The following LRP5 variants were observed in gnomAD, a reference collection of about 807,000 sequenced individuals.
The protein encoded by LRP5 is LDL receptor related protein 5, also known as low-density lipoprotein receptor-related protein 5.
Under a neutral mutation model 154.1 loss-of-function variants are expected in LRP5, and 62 were observed. The ratio of observed to expected loss-of-function variants is 0.40; its 90% CI spans 0.33 to 0.50. LRP5 has a LOEUF of 0.50. Ranked by LOEUF, LRP5 falls within the 20% of genes least tolerant of loss-of-function variation. The pLI is 0.55. For missense variants in LRP5, 1,915 were observed against 2,336.7 expected (o/e 0.82, Z 3.72); for synonymous variants, 966 against 1,011.5 (o/e 0.96, Z 0.85).
chr11:68,442,409 C>T lies in LRP5; in HGVS notation c.4488+2493C>T, dbSNP rs1356176097. Among the ~76,000 whole-genome samples the T allele has an allele frequency of 2.6e-5, 4 of 152,220 alleles. No individual in the cohort carries two copies. In the East Asian group the frequency reaches 7.7e-4, roughly 29 times the overall value. On this transcript the variant is annotated intron_variant, in intron 21 of 22. Transcript: ENST00000294304. ...CCTGCCTCAGTCCCCTCAAGTAGCT[C>T]AGATGGCAGGTGTGCACCATCATGC... is the stretch of plus-strand genomic sequence containing the variant.
chr11:68,378,907 C>T (rs1356253995), intron 5 of LRP5, among the ~76,000 whole-genome samples: 3 of 151,974 alleles, frequency 2.0e-5, no homozygotes, highest in South Asian at 2.1e-4. Context: ...ATTAGCCAGG[C>T]GTGGTGGTGG....
At position 68,442,457 on chromosome 11, in the gene LRP5, G is replaced by A. The variant is rs117423046; in HGVS notation, c.4488+2541G>A. 6.6e-5 allele frequency among the ~76,000 whole-genome samples: 10 copies of A among 152,118 alleles called. No individual in the cohort carries two copies. In the East Asian group the frequency reaches 1.9e-3, roughly 29 times the overall value. On this transcript the variant is annotated intron_variant, in intron 21 of 22. Coordinates refer to ENST00000294304, the MANE Select transcript of LRP5 (RefSeq NM_002335.4). ...TGCCAGGCTAATTTTTAAATTTTTT[G>A]TGGAGGTGAGGCCTCACTAAATTTC... is the stretch of plus-strand genomic sequence containing the variant.
rs532035027 is a variant in LRP5 at position 68,409,945 on chromosome 11, C to T, written c.2123C>T (p.Ser708Leu). 95 of 1,613,954 alleles carry T rather than the reference C, an allele frequency of 5.9e-5. No individual in the cohort carries two copies. The highest frequency in any genetic ancestry group is 1.3e-4 in the East Asian group (6 of 44,876). ...TISRAFMNGSSVEHVVEFGLD... is the reference protein window; with the variant it reads ...TISRAFMNGSLVEHVVEFGLD... ...AGCCGCGCCTTCATGAACGGGAGCT[C>T]GGTGGAGCACGTGGTGGAGTTTGGC... The change falls in exon 10 of 23, where the codon TCG (serine) becomes TTG (leucine). Residue 708 changes from serine to leucine, a missense_variant. Around this residue, in one of 3 missense-constraint regions of LRP5, gnomAD observed 773 missense variants for 1,100.9 expected, o/e 0.70. Transcript: ENST00000294304.
chr11:68,329,519 C>T (rs1274437635), intron 1 of LRP5, among the ~76,000 whole-genome samples: 1 of 152,210 alleles, frequency 6.6e-6, no homozygotes, highest in African/African-American at 2.4e-5. Context: ...AAGAAATCGG[C>T]GAACAGCCTC....
chr11:68,368,167 G>A (rs1037096014), intron 5 of LRP5, among the ~76,000 whole-genome samples: 6 of 152,110 alleles, frequency 3.9e-5, no homozygotes, highest in African/African-American at 1.4e-4. Context: ...TATCTGAGAA[G>A]AAAGCAGTTA....
intron 1 of LRP5, among the ~76,000 whole-genome samples, chr11:68,319,501 C>A (rs7128552): frequency 1.3e-5 from 2 of 151,932 alleles, no homozygotes; most frequent in Non-Finnish European, 2.9e-5. Context: ...AGGCATGAGC[C>A]GCTGTGCCCA....
At chr11:68,415,146 G>C (rs2098661811) in intron 12 of LRP5, among the ~76,000 whole-genome samples, 1 of 152,222 alleles carries the variant, frequency 6.6e-6, no homozygotes, top group South Asian at 2.1e-4. Context: ...TGTTGAGAGG[G>C]AGAGGCCAAC....
In LRP5 at chr11:68,438,622, A is replaced by G; in HGVS notation, c.4288A>G (p.Thr1430Ala). The G allele has an allele frequency of 6.2e-7, 1 of 1,613,562 alleles. No individual in the cohort carries two copies. The highest frequency in any genetic ancestry group is 2.2e-5 in the East Asian group (1 of 44,872). Residue 1430 changes from threonine (T) to alanine (A), a missense_variant, in exon 20 of 23, where the codon ACC becomes GCC. Physicochemically the swap from Thr to Ala is moderately conservative, Grantham distance 58. This residue lies in a region of LRP5 where 1,094 missense variants were observed against 1,210.1 expected (regional missense o/e 0.90). Coordinates refer to ENST00000294304, the MANE Select transcript of LRP5 (RefSeq NM_002335.4). ...GPFPHEYVSG[T>A]PHVPLNFIAP... ...CTTCCCGCACGAGTATGTCAGCGGG[A>G]CCCCGCACGTGCCCCTCAATTTCAT...
chr11:68,392,951 C>A (rs138116086), intron 7 of LRP5, among the ~76,000 whole-genome samples: 51 of 152,094 alleles, frequency 3.4e-4, no homozygotes, highest in African/African-American at 1.1e-3. Context: ...CCTAGCAAGA[C>A]CCCAGCTACC....
intron 7 of LRP5, among the ~76,000 whole-genome samples, chr11:68,392,485 C>T (rs1401912305): frequency 1.3e-5 from 2 of 152,020 alleles, no homozygotes; most frequent in African/African-American, 4.8e-5. Context: ...ATCTGTGTGA[C>T]AGAGCAAGAC....
intron 9 of LRP5, among the ~76,000 whole-genome samples, chr11:68,409,095 T>TATACAC (rs1311618305): frequency 4.3e-4 from 12 of 27,750 alleles, no homozygotes; most frequent in Non-Finnish European, 1.0e-3. Flanking sequence ...TATATATATA[T>TATACAC]ACACACACAT....
intron 4 of LRP5, among the ~76,000 whole-genome samples, chr11:68,364,356 ATATG>A (rs969480970): frequency 5.5e-5 from 7 of 127,500 alleles, no homozygotes; most frequent in African/African-American, 1.4e-4. Context: ...ATATACATAT[ATATG>A]TGTGTGTGTG....
At chr11:68,342,282 G>A (rs549545760) in intron 1 of LRP5, among the ~76,000 whole-genome samples, 3 of 152,030 alleles carry the variant, frequency 2.0e-5, no homozygotes, top group East Asian at 1.9e-4. Flanking sequence ...CTCCTGCCAC[G>A]TTCTCCCCTC....
chr11:68,322,829 A>C (rs531082034), intron 1 of LRP5, among the ~76,000 whole-genome samples: 54 of 145,450 alleles, frequency 3.7e-4, no homozygotes, highest in African/African-American at 1.1e-3. Context: ...GCCAAGTGTG[A>C]GGACCCCCAT....
intron 7 of LRP5, among the ~76,000 whole-genome samples, chr11:68,393,909 G>C (rs1241496501): frequency 1.3e-5 from 2 of 152,176 alleles, no homozygotes; most frequent in African/African-American, 4.8e-5. Context: ...CTTGTCCCAG[G>C]CTTGCCACAC....
chr11:68,320,505 G>A (rs1272772027), intron 1 of LRP5, among the ~76,000 whole-genome samples: 1 of 149,740 alleles, frequency 6.7e-6, no homozygotes, highest in Admixed American at 6.7e-5. Context: ...CTCCAGGCTG[G>A]AGTGCAGTGG....
intron 1 of LRP5, among the ~76,000 whole-genome samples, chr11:68,338,867 G>GTTTTTTTTTTTTTT (rs11382677): frequency 8.7e-5 from 8 of 91,938 alleles, no homozygotes; most frequent in African/African-American, 2.3e-4. Context: ...CTTTTGTTTA[G>GTTTTTTTTTTTTTT]TTTTTTTTTT....
rs1040514690 is a variant in LRP5 at position 68,386,947 on chromosome 11, G to C, written c.1412+235G>C. 3.3e-5 allele frequency among the ~76,000 whole-genome samples: 5 copies of C among 152,292 alleles called. No individual in the cohort carries two copies. The highest frequency in any genetic ancestry group is 1.3e-4 in the Admixed American group (2 of 15,306). ...CCCAGTGGTCCGGTGCTGCTGCTGGGTCCATGCGTAGAAAGCCCTGGAGAC... is the reference window on the plus strand; with the variant it reads ...CCCAGTGGTCCGGTGCTGCTGCTGGCTCCATGCGTAGAAAGCCCTGGAGAC... On this transcript the variant is annotated intron_variant, in intron 6 of 22. Coordinates refer to ENST00000294304, the MANE Select transcript of LRP5 (RefSeq NM_002335.4). The surrounding 1 kb of genome is among the most constrained non-coding windows in gnomAD (Gnocchi z 7.9).
chr11:68,346,353 G>T (rs1209949479), intron 1 of LRP5, among the ~76,000 whole-genome samples: 1 of 152,256 alleles, frequency 6.6e-6, no homozygotes, highest in Non-Finnish European at 1.5e-5. Context: ...ATCCTGTGGA[G>T]CATGTCTCCT....
Sources: gnomAD v4.1 joint callset for allele counts (sites outside exome capture counted in the v4.1 genomes callset) on GRCh38, gnomAD v4.1.1 for gene constraint, gnomAD v4.1.1 regional missense constraint, Gnocchi (gnomAD v3.1) non-coding constraint, MANE v1.5 for transcripts, NCBI Gene and HGNC (gene_info 2026-07-23, HGNC 2026-07-21) for gene names.